Variants in GREB1L observed in about 807,000 individuals in gnomAD.
GREB1L encodes the protein GREB1-like protein.
GREB1L carries 17 observed loss-of-function variants against 200.8 expected under a neutral mutation model. The observed-to-expected ratio is 0.08, with a 90% CI of 0.06 to 0.13. GREB1L has a LOEUF of 0.13. Among genes scored for constraint, GREB1L ranks in the 10% least tolerant of loss-of-function variants. GREB1L has a pLI of 1.00. For missense variants in GREB1L, 1,657 were observed against 2,367.7 expected, an observed-to-expected ratio of 0.70 and a Z score of 6.23; for synonymous variants, 789 against 893.0, an observed-to-expected ratio of 0.88 and a Z score of 2.08.
At chr18:21,496,337 C>G (rs2036543402) in intron 20 of GREB1L, 117 bp from the exon 21 acceptor site, 2 of 1,130,494 alleles carry the variant, frequency 1.8e-6, no homozygotes, top group East Asian at 5.2e-5. Context: ...CAAGGCTCAC[C>G]TGGCACTGAA....
At chr18:21,403,207 T>A (rs1010687701) in intron 6 of GREB1L, among the ~76,000 whole-genome samples, 1 of 152,210 alleles carries the variant, frequency 6.6e-6, no homozygotes, top group African/African-American at 2.4e-5. Flanking sequence ...GCTGTCATAG[T>A]ATTTACTATC....
chr18:21,317,721 A>G (rs980002191), intron 1 of GREB1L: 3 of 152,240 alleles, frequency 2.0e-5, no homozygotes, highest in East Asian at 1.9e-4. Flanking sequence ...CTAAAAGCCA[A>G]TGAGCTGACC....
At chr18:21,369,948 C>CA (rs201252099) in intron 2 of GREB1L, among the ~76,000 whole-genome samples, 11,505 of 87,520 alleles carry the variant, frequency 0.13, 822 homozygotes, top group African/African-American at 0.26. Flanking sequence ...GACTCCATCT[C>CA]AAAAAAAAAA....
intron 7 of GREB1L, among the ~76,000 whole-genome samples, chr18:21,410,806 T>C (rs12457114): frequency 0.33 from 49,570 of 151,100 alleles, 11,177 homozygotes; most frequent in African/African-American, 0.61. Flanking sequence ...GTATCAAGAA[T>C]ATATAAAGAA....
At chr18:21,397,679 C>A (rs1206660139) in intron 5 of GREB1L, among the ~76,000 whole-genome samples, 3 of 151,830 alleles carry the variant, frequency 2.0e-5, no homozygotes, top group Admixed American at 6.6e-5. Flanking sequence ...CTAGGCTGGG[C>A]GACAGAGTGA....
intron 1 of GREB1L, among the ~76,000 whole-genome samples, chr18:21,359,209 A>T (rs1422272312): frequency 6.6e-6 from 1 of 152,214 alleles, no homozygotes; most frequent in Non-Finnish European, 1.5e-5. Context: ...TAATCCCAGC[A>T]CTTTGGGAGG....
intron 1 of GREB1L, among the ~76,000 whole-genome samples, chr18:21,279,998 A>G (rs964036795): frequency 6.6e-6 from 1 of 152,194 alleles, no homozygotes; most frequent in Non-Finnish European, 1.5e-5. Flanking sequence ...GCATTACTGT[A>G]GTATATTTGT....
At chr18:21,429,277 C>T (rs1598820110) in intron 7 of GREB1L, among the ~76,000 whole-genome samples, 1 of 121,016 alleles carries the variant, frequency 8.3e-6, no homozygotes, top group South Asian at 3.4e-4. Context: ...CCTCTCCTCT[C>T]CTCTCCTCCC....
At chr18:21,441,306 G>C in intron 9 of GREB1L, 94 bp from the exon 10 acceptor site, 1 of 1,027,760 alleles carries the variant, frequency 9.7e-7, no homozygotes, top group Non-Finnish European at 1.3e-6. Flanking sequence ...GATTTCTAAT[G>C]CTTCTCTGTT....
At position 21,522,644 on chromosome 18, in the gene GREB1L, C is replaced by T; in HGVS notation, c.5609-14C>T. 6.5e-7 allele frequency: 1 copy of T among 1,540,190 alleles called. No homozygotes were observed. The highest frequency in any genetic ancestry group is 1.2e-5 in the South Asian group (1 of 82,098). ...CCCTGAGCCTAGGACATATTTCTGT[C>T]TTTTTTCCTGAAGGTGCTACACTGT... On this transcript the variant is annotated splice_polypyrimidine_tract_variant and intron_variant, in intron 32 of 32. Coordinates refer to ENST00000424526, the MANE Select transcript of GREB1L (RefSeq NM_001142966.3).
At chr18:21,385,390 A>G (rs2040497797) in intron 4 of GREB1L, among the ~76,000 whole-genome samples, 1 of 150,534 alleles carries the variant, frequency 6.6e-6, no homozygotes, top group Admixed American at 6.6e-5. Flanking sequence ...TTTTTTGGAC[A>G]ATGTGATAAA....
In GREB1L at chr18:21,496,708, TTC is replaced by T. The variant is rs1246300585; in HGVS notation, c.3391+12_3391+13del. 2.6e-6 allele frequency: 4 copies of T among 1,550,172 alleles called. No individual in the cohort carries two copies. In the South Asian group the frequency reaches 3.6e-5, roughly 14 times the overall value. ...GTCACAGGGACCTCGGGTCAGTACT[TTC>T]TTTTCTCTTTCATGGAGTGAGAGAC... is the stretch of plus-strand genomic sequence containing the variant. On this transcript the variant is annotated intron_variant, in intron 21 of 32. Coordinates refer to ENST00000424526, the MANE Select transcript of GREB1L (RefSeq NM_001142966.3).
intron 1 of GREB1L, among the ~76,000 whole-genome samples, chr18:21,316,530 C>T (rs1297329861): frequency 6.6e-6 from 1 of 152,150 alleles, no homozygotes; most frequent in Non-Finnish European, 1.5e-5. Context: ...GAACATCAAG[C>T]ACAGAGATGG....
At chr18:21,271,503 A>G (rs1161230853) in intron 1 of GREB1L, among the ~76,000 whole-genome samples, 1 of 151,684 alleles carries the variant, frequency 6.6e-6, no homozygotes. Context: ...AAAAAAAAAA[A>G]TAGCCAGGCT....
intron 9 of GREB1L, 122 bp downstream of exon 9, chr18:21,440,510 G>A: frequency 1.0e-6 from 1 of 957,594 alleles, no homozygotes. Flanking sequence ...AGTAGCTAAT[G>A]TTTTGTCCCG....
intron 1 of GREB1L, among the ~76,000 whole-genome samples, chr18:21,315,560 G>A (rs1476409104): frequency 1.3e-5 from 2 of 152,116 alleles, no homozygotes; most frequent in Admixed American, 6.5e-5. Context: ...TTCAGCATTA[G>A]AGGAATGGTA....
intron 2 of GREB1L, among the ~76,000 whole-genome samples, chr18:21,373,413 A>G (rs2039955791): frequency 6.6e-6 from 1 of 151,994 alleles, no homozygotes; most frequent in South Asian, 2.1e-4. Context: ...AGCTCACTGC[A>G]ACCTCCGCGT....
At chr18:21,376,235 C>G (rs2040064669) in intron 2 of GREB1L, among the ~76,000 whole-genome samples, 1 of 151,898 alleles carries the variant, frequency 6.6e-6, no homozygotes, top group African/African-American at 2.4e-5. Flanking sequence ...TCTCCTGCCT[C>G]AGCCTCCCAA....
intron 1 of GREB1L, among the ~76,000 whole-genome samples, chr18:21,356,289 T>A (rs1432053548): frequency 6.6e-6 from 1 of 152,098 alleles, no homozygotes; most frequent in Non-Finnish European, 1.5e-5. Context: ...AGCCTATTCC[T>A]TCTAACTGAA....
Sources: gnomAD v4.1 joint callset for allele counts (sites outside exome capture counted in the v4.1 genomes callset) on GRCh38, gnomAD v4.1.1 for gene constraint, MANE v1.5 for transcripts, NCBI Gene and HGNC (gene_info 2026-07-23, HGNC 2026-07-21) for gene names.